CCDC178: variants seen among roughly 807,000 people sequenced by gnomAD.
CCDC178 encodes coiled-coil domain-containing protein 178.
CCDC178 carries 126 observed loss-of-function variants against 117.4 expected under a neutral mutation model. The observed-to-expected ratio is 1.07, with a 90% CI of 0.93 to 1.24. The LOEUF (loss-of-function observed/expected upper bound fraction) is 1.24. CCDC178 is among the 50% of genes most tolerant of loss of function. CCDC178 has a pLI of 0.00. For synonymous variants in CCDC178, 283 were observed against 313.4 expected (o/e 0.90, Z 1.02); for missense variants, 1,030 against 986.9 (o/e 1.04, Z -0.59).
At chr18:33,040,486 A>C (rs924598776) in intron 21 of CCDC178, among the ~76,000 whole-genome samples, 8 of 152,032 alleles carry the variant, frequency 5.3e-5, no homozygotes, top group Admixed American at 4.6e-4. Context: ...CCAATACAAA[A>C]GACCAGAAAC....
chr18:33,118,726 C>T (rs2057893128), intron 20 of CCDC178, among the ~76,000 whole-genome samples: 1 of 152,136 alleles, frequency 6.6e-6, no homozygotes, highest in South Asian at 2.1e-4. Flanking sequence ...AAAGAGCCCG[C>T]ATCACCAAGT....
chr18:33,194,790 A>C (rs1203814954), intron 20 of CCDC178, among the ~76,000 whole-genome samples: 1 of 151,230 alleles, frequency 6.6e-6, no homozygotes, highest in Non-Finnish European at 1.5e-5. Context: ...CAGGCTTGGC[A>C]TGGTGGCTCA....
chr18:33,433,425 G>T (rs920336036), intron 2 of CCDC178, among the ~76,000 whole-genome samples: 3 of 152,042 alleles, frequency 2.0e-5, no homozygotes, highest in Non-Finnish European at 4.4e-5. Context: ...TTGTCAAAAG[G>T]TCATGAGTTT....
At chr18:33,395,161 A>G (rs1021527257) in intron 4 of CCDC178, among the ~76,000 whole-genome samples, 62 of 151,294 alleles carry the variant, frequency 4.1e-4, no homozygotes, top group African/African-American at 1.4e-3. Context: ...TTAGAAAATA[A>G]AAAGACAACC....
intron 3 of CCDC178, among the ~76,000 whole-genome samples, chr18:33,407,898 C>T (rs1217440235): frequency 6.6e-6 from 1 of 151,544 alleles, no homozygotes; most frequent in African/African-American, 2.4e-5. Context: ...TAAAGAAGCA[C>T]TCTATAATTC....
At chr18:32,982,558 T>A (rs539980244) in intron 21 of CCDC178, among the ~76,000 whole-genome samples, 1 of 152,248 alleles carries the variant, frequency 6.6e-6, no homozygotes, top group Admixed American at 6.5e-5. Flanking sequence ...GTGAAAGGGA[T>A]TTTTGAAAAT....
intron 20 of CCDC178, among the ~76,000 whole-genome samples, chr18:33,205,464 A>G (rs2059035991): frequency 6.6e-6 from 1 of 152,190 alleles, no homozygotes; most frequent in Admixed American, 6.5e-5. Context: ...AGATCATTTA[A>G]TAATTATAGC....
At chr18:33,001,853 T>A (rs1257950987) in intron 21 of CCDC178, among the ~76,000 whole-genome samples, 1 of 151,896 alleles carries the variant, frequency 6.6e-6, no homozygotes, top group Non-Finnish European at 1.5e-5. Context: ...TCCATGCAAA[T>A]GGAAACCAAA....
At chr18:33,230,288 A>G (rs1171682086) in intron 15 of CCDC178, among the ~76,000 whole-genome samples, 1 of 151,970 alleles carries the variant, frequency 6.6e-6, no homozygotes, top group South Asian at 2.1e-4. Flanking sequence ...TAATTATCAT[A>G]TCCATTAGTG....
chr18:33,288,178 C>T (rs2060122188), intron 12 of CCDC178, among the ~76,000 whole-genome samples: 1 of 151,752 alleles, frequency 6.6e-6, no homozygotes. Flanking sequence ...TGTAGGATTT[C>T]CCCTCTTCCC....
At chr18:33,082,814 T>C (rs2057318770) in intron 21 of CCDC178, among the ~76,000 whole-genome samples, 1 of 151,996 alleles carries the variant, frequency 6.6e-6, no homozygotes, top group South Asian at 2.1e-4. Context: ...GTTGTTTTAA[T>C]TCACTCTTGG....
At chr18:33,282,980 CCA>C (rs1488428860) in intron 12 of CCDC178, among the ~76,000 whole-genome samples, 2 of 152,154 alleles carry the variant, frequency 1.3e-5, no homozygotes, top group East Asian at 1.9e-4. Flanking sequence ...TCCAAGGCAA[CCA>C]CACACAGAGT....
At position 33,414,966 on chromosome 18, in the gene CCDC178, G is replaced by A. The variant is rs556151668; in HGVS notation, c.-22-2856C>T. Among the ~76,000 whole-genome samples the A allele has an allele frequency of 5.9e-5, 9 of 152,278 alleles. No individual in the cohort carries two copies. The South Asian group carries it at 1.9e-3, about 32-fold the overall frequency. ...CATGAAAAAATGCTCATCATCACTG[G>A]CCATCAGAGAAATGCAAATCAAAAC... On this transcript the variant is annotated intron_variant, in intron 2 of 22. Transcript: ENST00000383096.
intron 4 of CCDC178, among the ~76,000 whole-genome samples, chr18:33,393,025 G>T (rs2063582767): frequency 6.6e-6 from 1 of 152,056 alleles, no homozygotes; most frequent in South Asian, 2.1e-4. Context: ...AAGCATCATG[G>T]TCTTCCCGTG....
In CCDC178 at chr18:33,054,530, T is replaced by C. The variant is rs146844260; in HGVS notation, c.2388+38231A>G. On this transcript the variant is annotated intron_variant, in intron 21 of 22. Transcript: ENST00000383096. ...ACTGAGAACATGCAGTGTTTGGTTT[T>C]CTCTTCCTGCGTTAGTTTGATGAGG... Among the ~76,000 whole-genome samples, 59 of 152,346 alleles carry C rather than the reference T, an allele frequency of 3.9e-4. No homozygotes were observed. The East Asian group carries it at 0.011, about 28-fold the overall frequency.
intron 14 of CCDC178, among the ~76,000 whole-genome samples, chr18:33,263,752 G>A (rs972689124): frequency 3.3e-5 from 5 of 152,046 alleles, no homozygotes; most frequent in African/African-American, 7.2e-5. Flanking sequence ...TAAATATGGC[G>A]TAGGAAACAA....
chr18:33,109,409 A>T (rs552541396), intron 20 of CCDC178, among the ~76,000 whole-genome samples: 63 of 151,740 alleles, frequency 4.2e-4, no homozygotes, highest in African/African-American at 1.5e-3. Context: ...GAGATGCAAA[A>T]CATTTGCATT....
chr18:33,094,743 C>T (rs1237788446), intron 20 of CCDC178, among the ~76,000 whole-genome samples: 1 of 151,866 alleles, frequency 6.6e-6, no homozygotes, highest in African/African-American at 2.4e-5. Context: ...CCAGTTCTTC[C>T]ACTTTATATA....
chr18:33,195,689 CAG>C (rs2058922127), intron 20 of CCDC178, among the ~76,000 whole-genome samples: 1 of 152,162 alleles, frequency 6.6e-6, no homozygotes, highest in Non-Finnish European at 1.5e-5. Context: ...TCCTAAAAGT[CAG>C]GTATCTGCTA....
Sources: gnomAD v4.1 joint callset for allele counts (sites outside exome capture counted in the v4.1 genomes callset) on GRCh38, gnomAD v4.1.1 for gene constraint, MANE v1.5 for transcripts, NCBI Gene and HGNC (gene_info 2026-07-23, HGNC 2026-07-21) for gene names.